The following ZC3H12B variants were observed in gnomAD, a reference collection of about 807,000 sequenced individuals.
ZC3H12B encodes zinc finger CCCH-type containing 12B, also known as probable ribonuclease ZC3H12B.
ZC3H12B carries 7 observed loss-of-function variants against 43.9 expected under a neutral mutation model. The ratio of observed to expected loss-of-function variants is 0.16; its 90% confidence interval spans 0.09 to 0.30. The LOEUF is 0.30. ZC3H12B is among the 10% of genes least tolerant of loss of function. ZC3H12B has a pLI of 1.00. For synonymous variants in ZC3H12B, 222 were observed against 241.7 expected, an observed-to-expected ratio of 0.92 and a Z score of 0.76; for missense variants, 475 against 670.2, an observed-to-expected ratio of 0.71 and a Z score of 3.22.
chrX:65,339,372 A>G, the ZC3H12B span, among the ~76,000 whole-genome samples: 1 of 111,853 alleles, frequency 8.9e-6, no homozygotes, highest in Non-Finnish European at 1.9e-5. Context: ...ACTGGGAAAA[A>G]GCAAGTTGCT....
chrX:65,345,038 G>T, the ZC3H12B span, among the ~76,000 whole-genome samples: 1 of 111,825 alleles, frequency 8.9e-6, no homozygotes, highest in Non-Finnish European at 1.9e-5. Context: ...TATTAAAAAG[G>T]CTAAAAATAA....
At chrX:65,235,114 T>C in the ZC3H12B span, among the ~76,000 whole-genome samples, 4 of 111,907 alleles carry the variant, frequency 3.6e-5, no homozygotes, top group Admixed American at 9.5e-5. Context: ...TTTGGGTTGA[T>C]TTCATGTCTT....
the ZC3H12B span, among the ~76,000 whole-genome samples, chrX:65,212,423 TATA>T: frequency 3.3e-5 from 2 of 59,713 alleles, no homozygotes; most frequent in Non-Finnish European, 5.3e-5. Context: ...ATATATGTAA[TATA>T]ATTATTATAT....
the ZC3H12B span, among the ~76,000 whole-genome samples, chrX:65,294,128 G>T: frequency 9.0e-6 from 1 of 111,475 alleles, no homozygotes; most frequent in Admixed American, 9.6e-5. Flanking sequence ...ACCTATAAAG[G>T]AAAACCTATC....
intron 3 of ZC3H12B, among the ~76,000 whole-genome samples, chrX:65,459,078 C>A (rs980887356): frequency 1.8e-5 from 2 of 111,968 alleles, no homozygotes; most frequent in Non-Finnish European, 3.8e-5. Flanking sequence ...ATACTATAAA[C>A]ACCTCTAGGA....
At chrX:65,296,074 G>A in the ZC3H12B span, among the ~76,000 whole-genome samples, 58 of 111,940 alleles carry the variant, frequency 5.2e-4, no homozygotes, top group Non-Finnish European at 8.7e-4. Flanking sequence ...GATTATAGCA[G>A]CACAATTTGC....
At chrX:65,487,135 C>T (rs924622990), upstream of ZC3H12B, among the ~76,000 whole-genome samples, 7 of 112,695 alleles carry the variant, frequency 6.2e-5, no homozygotes, top group Non-Finnish European at 1.1e-4. Context: ...GCCTGAATGT[C>T]GTTTCTGAGA....
the ZC3H12B span, among the ~76,000 whole-genome samples, chrX:65,281,823 G>A: frequency 9.0e-6 from 1 of 111,692 alleles, no homozygotes; most frequent in East Asian, 2.8e-4. Flanking sequence ...TGAACAAGTA[G>A]GATTAATATA....
intron 3 of ZC3H12B, among the ~76,000 whole-genome samples, chrX:65,480,059 T>A (rs1005485783): frequency 4.9e-4 from 55 of 112,782 alleles, no homozygotes; most frequent in African/African-American, 1.6e-3. Context: ...TTCCAGACCC[T>A]ATTTTCCTGC....
chrX:65,206,735 TG>T, the ZC3H12B span, among the ~76,000 whole-genome samples: 1 of 109,450 alleles, frequency 9.1e-6, no homozygotes, highest in Non-Finnish European at 1.9e-5. Context: ...ACCCGCAGAG[TG>T]GGAAAAAATC....
At chrX:65,221,977 A>G in the ZC3H12B span, among the ~76,000 whole-genome samples, 1 of 111,855 alleles carries the variant, frequency 8.9e-6, no homozygotes, top group African/African-American at 3.2e-5. Context: ...CAAAGCTACT[A>G]GCATACCAAA....
At chrX:65,297,445 G>A in the ZC3H12B span, among the ~76,000 whole-genome samples, 2 of 110,853 alleles carry the variant, frequency 1.8e-5, no homozygotes, top group South Asian at 3.9e-4. Context: ...AACCAAGGAG[G>A]TGAAAGACCT....
the ZC3H12B span, among the ~76,000 whole-genome samples, chrX:65,290,281 G>A: frequency 1.8e-5 from 2 of 110,405 alleles, no homozygotes; most frequent in African/African-American, 6.6e-5. Flanking sequence ...CTAATAAGAT[G>A]TTATCTTATG....
At chrX:65,072,799 G>A in the ZC3H12B span, among the ~76,000 whole-genome samples, 267 of 112,150 alleles carry the variant, frequency 2.4e-3, 1 homozygote, top group African/African-American at 8.2e-3. Flanking sequence ...ATTAACAGGT[G>A]CCAGGGTGCA....
the ZC3H12B span, among the ~76,000 whole-genome samples, chrX:65,220,258 T>C: frequency 9.0e-6 from 1 of 111,671 alleles, no homozygotes; most frequent in East Asian, 2.8e-4. Flanking sequence ...CCCTAAAGCA[T>C]AAATTTCACA....
At chrX:65,110,910 C>T in the ZC3H12B span, among the ~76,000 whole-genome samples, 581 of 111,217 alleles carry the variant, frequency 5.2e-3, 2 homozygotes, top group African/African-American at 0.017. Flanking sequence ...TTTTCATCAG[C>T]ATTGTGTAGT....
intron 3 of ZC3H12B, among the ~76,000 whole-genome samples, chrX:65,459,905 A>G (rs1186275225): frequency 6.1e-4 from 68 of 111,813 alleles, no homozygotes; most frequent in African/African-American, 1.9e-3. Flanking sequence ...TTAGGAAAAG[A>G]GGAAGTCAAA....
At chrX:65,193,007 C>T in the ZC3H12B span, among the ~76,000 whole-genome samples, 3 of 110,572 alleles carry the variant, frequency 2.7e-5, no homozygotes, top group Middle Eastern at 9.3e-3. Context: ...CTCTTGACCT[C>T]GTGATCCACT....
the ZC3H12B span, among the ~76,000 whole-genome samples, chrX:65,348,271 T>C: frequency 9.0e-6 from 1 of 111,239 alleles, no homozygotes; most frequent in Non-Finnish European, 1.9e-5. Context: ...CATAAAAAAA[T>C]AAGCTAAGGA....
Sources: gnomAD v4.1 joint callset for allele counts (sites outside exome capture counted in the v4.1 genomes callset) on GRCh38, gnomAD v4.1.1 for gene constraint, MANE v1.5 for transcripts, NCBI Gene and HGNC (gene_info 2026-07-23, HGNC 2026-07-21) for gene names.